The following PLEKHA8 variants were observed in gnomAD, a reference collection of about 807,000 sequenced individuals.
The protein encoded by PLEKHA8 is pleckstrin homology domain-containing family A member 8.
Under a neutral mutation model 68.2 loss-of-function variants are expected in PLEKHA8, and 36 were observed. The ratio of observed to expected loss-of-function variants is 0.53; its 90% CI spans 0.40 to 0.70. PLEKHA8 has a LOEUF of 0.70. Ranked by LOEUF, PLEKHA8 falls within the 30% of genes least tolerant of loss-of-function variation. PLEKHA8 has a pLI of 0.00. For synonymous variants in PLEKHA8, 211 were observed against 216.1 expected (o/e 0.98, Z 0.20); for missense variants, 505 against 615.4 (o/e 0.82, Z 1.90).
intron 13 of PLEKHA8, among the ~76,000 whole-genome samples, chr7:30,076,468 T>G (rs1473400103): frequency 6.6e-6 from 1 of 152,212 alleles, no homozygotes; most frequent in Non-Finnish European, 1.5e-5. Flanking sequence ...AACCACAGTT[T>G]ACAGTTTTGA....
intron 13 of PLEKHA8, among the ~76,000 whole-genome samples, chr7:30,123,030 C>CA (rs1204307565): frequency 1.3e-5 from 2 of 152,104 alleles, no homozygotes; most frequent in African/African-American, 4.8e-5. Context: ...ACTTTCCCCC[C>CA]CCTAAGCTAG....
At chr7:30,092,053 C>A (rs1011596803), downstream of PLEKHA8, among the ~76,000 whole-genome samples, 3 of 152,160 alleles carry the variant, frequency 2.0e-5, no homozygotes, top group Non-Finnish European at 4.4e-5. Context: ...AGGACCCTGT[C>A]TCTGTGTGTT....
At chr7:30,116,324 A>T (rs1562559578) in intron 13 of PLEKHA8, among the ~76,000 whole-genome samples, 1 of 151,226 alleles carries the variant, frequency 6.6e-6, no homozygotes, top group African/African-American at 2.4e-5. Context: ...ACATACACAT[A>T]TGTGTGTATG....
intron 9 of PLEKHA8, among the ~76,000 whole-genome samples, chr7:30,056,428 T>C (rs1418061115): frequency 2.8e-5 from 4 of 144,506 alleles, no homozygotes; most frequent in Non-Finnish European, 6.0e-5. Context: ...TATATGTAAA[T>C]AAATAAAATG....
chr7:30,055,717 G>A (rs755013042), intron 9 of PLEKHA8, among the ~76,000 whole-genome samples: 2 of 152,162 alleles, frequency 1.3e-5, no homozygotes, highest in Non-Finnish European at 2.9e-5. Flanking sequence ...CCAGGCTGGA[G>A]TGCAGTGGCA....
At chr7:30,116,007 TACATACGC>T (rs1562558736) in intron 13 of PLEKHA8, 1 of 144,854 alleles carries the variant, frequency 6.9e-6, no homozygotes, top group African/African-American at 2.5e-5. Flanking sequence ...TACATACGCA[TACATACGC>T]ATACATACGT....
chr7:30,103,240 T>C (rs1049422575), intron 13 of PLEKHA8, among the ~76,000 whole-genome samples: 7 of 152,256 alleles, frequency 4.6e-5, no homozygotes, highest in Non-Finnish European at 1.0e-4. Context: ...GAATATTTTA[T>C]GTTATGTATG....
chr7:30,105,719 G>A (rs910678771), intron 13 of PLEKHA8, among the ~76,000 whole-genome samples: 5 of 152,186 alleles, frequency 3.3e-5, no homozygotes, highest in African/African-American at 1.2e-4. Flanking sequence ...CATTTCATAA[G>A]TTTACCGGCC....
At chr7:30,097,858 G>A (rs879186601) in intron 13 of PLEKHA8, among the ~76,000 whole-genome samples, 20 of 152,164 alleles carry the variant, frequency 1.3e-4, no homozygotes, top group Admixed American at 6.5e-4. Flanking sequence ...GCTTTGTTCC[G>A]TTGCTGGTGA....
chr7:30,059,266 ATTTT>A (rs1209188404), intron 9 of PLEKHA8, among the ~76,000 whole-genome samples: 1 of 152,114 alleles, frequency 6.6e-6, no homozygotes, highest in Non-Finnish European at 1.5e-5. Context: ...TTAGAATTTT[ATTTT>A]TTTATTCTGT....
intron 5 of PLEKHA8, 95 bp downstream of exon 5, chr7:30,049,477 T>C (rs1792237030): frequency 2.1e-6 from 3 of 1,451,320 alleles, no homozygotes; most frequent in Admixed American, 2.5e-5. Context: ...TAGTGACTTA[T>C]AAAGACAGTT....
intron 13 of PLEKHA8, among the ~76,000 whole-genome samples, chr7:30,128,454 A>C (rs1454515502): frequency 6.6e-6 from 1 of 152,210 alleles, no homozygotes; most frequent in Non-Finnish European, 1.5e-5. Flanking sequence ...CTGTGGGTTA[A>C]GTCACACATT....
In PLEKHA8 at chr7:30,050,457, T is replaced by A. The variant is rs1207498359; in HGVS notation, c.621T>A (p.Ile207=). The A allele has an allele frequency of 6.3e-7, 1 of 1,578,618 alleles. No homozygotes were observed. Among genetic ancestry groups the A allele is most frequent in the Non-Finnish European group, 8.6e-7 (1 of 1,165,652 alleles). The change falls in exon 6 of 14, where the codon ATT becomes ATA. Residue 207 remains isoleucine, a synonymous_variant. Coordinates refer to ENST00000449726, the MANE Select transcript of PLEKHA8 (RefSeq NM_001197026.2). Reference sequence around the variant, plus strand: ...AGATGAAACATCCTATTATACCAATTCATAATTCATTGGAAAGGTACAGTA... The same window carrying A: ...AGATGAAACATCCTATTATACCAATACATAATTCATTGGAAAGGTACAGTA... The part of the protein sequence containing the change: ...SSKMKHPIIP[I]HNSLERQMEL...
rs946582738 is a variant in PLEKHA8, at chr7:30,070,607, C to T, written c.1301-3464C>T. On this transcript the variant is annotated intron_variant, in intron 12 of 13. Transcript: ENST00000449726. The stretch of plus-strand genomic sequence containing the variant: ...CGCCCTGGCTGCTGGACTGCAGTGG[C>T]GTGATCTCGGCTCACTGCAACCTCT... 3.8e-4 allele frequency among the ~76,000 whole-genome samples: 56 copies of T among 148,532 alleles called. 1 individual carries two copies. Among genetic ancestry groups the T allele is most frequent in the Middle Eastern group, 6.9e-3 (2 of 290 alleles).
rs753677044 is a variant in PLEKHA8 at position 30,084,079 on chromosome 7, AT to A, written c.*5294del. ...AAACAGCCCAACTACCTCATGTGAA[AT>A]TGGCTGTGGACAATCTGTGTCAGAT... On this transcript the variant is annotated 3_prime_UTR_variant, in exon 14 of 14. Transcript: ENST00000449726. The A allele has an allele frequency of 1.3e-5, 13 of 985,320 alleles. No homozygotes were observed. The highest frequency in any genetic ancestry group is 1.6e-5 in the Non-Finnish European group (13 of 829,938). The allele number at this position is 985,320 out of a possible 1,614,324, so 61.0% of individuals were successfully genotyped here. A position where few individuals can be genotyped will look rare whatever the true frequency, so the allele number is the denominator to read the frequency against.
intron 13 of PLEKHA8, among the ~76,000 whole-genome samples, chr7:30,103,681 C>T (rs1039264798): frequency 6.6e-6 from 1 of 152,176 alleles, no homozygotes; most frequent in African/African-American, 2.4e-5. Flanking sequence ...AAGATCACTT[C>T]AACAAATAGT....
chr7:30,057,144 C>T (rs1793058185), intron 9 of PLEKHA8, among the ~76,000 whole-genome samples: 1 of 151,862 alleles, frequency 6.6e-6, no homozygotes, highest in Non-Finnish European at 1.5e-5. Context: ...CTCTCTAATC[C>T]ATATCCTTAT....
Position 30,080,442 on chromosome 7 carries a change from TC to T in PLEKHA8, c.*1656del. The T allele has an allele frequency of 1.0e-6, 1 of 985,176 alleles. No individual in the cohort carries two copies. Among genetic ancestry groups the T allele is most frequent in the Non-Finnish European group, 1.2e-6 (1 of 829,894 alleles). 61.0% of individuals were successfully genotyped at this position (985,176 alleles called of 1,614,324 possible). A position where few individuals can be genotyped will look rare whatever the true frequency, so the allele number is the denominator to read the frequency against. On this transcript the variant is annotated 3_prime_UTR_variant, in exon 14 of 14. Transcript: ENST00000449726. The stretch of plus-strand genomic sequence containing the variant: ...GGGCTTGGTTGAATTGAGAGCATCA[TC>T]TCTAGATGATGCTGTTCCTGCTGCA...
intron 3 of PLEKHA8, 78 bp downstream of exon 3, chr7:30,046,443 T>C (rs1791969896): frequency 3.4e-6 from 5 of 1,474,488 alleles, no homozygotes; most frequent in Non-Finnish European, 4.5e-6. Context: ...ATTTGTTATC[T>C]TGCTTCTGAC....
Sources: allele counts gnomAD v4.1 joint callset (sites outside exome capture counted in the v4.1 genomes callset), GRCh38; gene constraint gnomAD v4.1.1; transcripts MANE v1.5; gene names NCBI Gene and HGNC (gene_info 2026-07-23, HGNC 2026-07-21).